The following ADGRG1 variants were observed in gnomAD, a reference collection of about 807,000 sequenced individuals.
ADGRG1 encodes adhesion G protein-coupled receptor G1, also known as 7-transmembrane protein with no EGF-like N-terminal domains-1.
In ADGRG1, 53 loss-of-function variants were observed where a neutral mutation model predicts 73.5. The observed-to-expected ratio is 0.72, with a 90% CI of 0.58 to 0.91. ADGRG1 has a LOEUF of 0.91. Among genes scored for constraint, ADGRG1 ranks in the 40% least tolerant of loss-of-function variants. The pLI is 0.00. For missense variants in ADGRG1, 795 were observed against 871.8 expected, an observed-to-expected ratio of 0.91 and a Z score of 1.11; for synonymous variants, 394 against 374.4, an observed-to-expected ratio of 1.05 and a Z score of -0.60.
chr16:57,635,655 C>T, intron 1 of ADGRG1: 1 of 984,630 alleles, frequency 1.0e-6, no homozygotes, highest in African/African-American at 1.7e-5. Context: ...GTTCCCTGGG[C>T]CGTGAGGCTT....
intron 13 of ADGRG1, 98 bp downstream of exon 13, chr16:57,662,063 C>A: frequency 1.0e-6 from 1 of 977,138 alleles, no homozygotes; most frequent in Non-Finnish European, 1.7e-6. Context: ...CTTCCCTTCT[C>A]TGGGCCTCAG....
chr16:57,646,291 C>A, intron 1 of ADGRG1: 1 of 766,774 alleles, frequency 1.3e-6, no homozygotes, highest in Non-Finnish European at 1.6e-6. Flanking sequence ...CCCCACTGCC[C>A]ACCGTGCAGA....
chr16:57,638,868 G>A (rs1233100776), intron 1 of ADGRG1, among the ~76,000 whole-genome samples: 2 of 152,166 alleles, frequency 1.3e-5, no homozygotes, highest in African/African-American at 4.8e-5. Flanking sequence ...TCAGGAGTTC[G>A]AGACCAGCCT....
chr16:57,659,135 G>A, intron 10 of ADGRG1: 3 of 985,340 alleles, frequency 3.0e-6, no homozygotes, highest in Non-Finnish European at 3.6e-6. Flanking sequence ...AGAGTATCTG[G>A]TTTATTACTG....
chr16:57,631,561 C>G (rs1399529667), intron 1 of ADGRG1: 27 of 985,466 alleles, frequency 2.7e-5, no homozygotes, highest in Non-Finnish European at 3.3e-5. Context: ...AGGGCTCAGC[C>G]CCCGTCCCCA....
intron 1 of ADGRG1, chr16:57,645,466 G>A (rs570598787): frequency 1.0e-4 from 36 of 360,472 alleles, no homozygotes; most frequent in African/African-American, 7.3e-4. Flanking sequence ...CCACAGAGGA[G>A]CCTGATGGGT....
At chr16:57,648,585 A>AC in intron 1 of ADGRG1, 1 of 984,646 alleles carries the variant, frequency 1.0e-6, no homozygotes, top group South Asian at 4.7e-5. Context: ...CCTGCCTGGG[A>AC]CACCCCTTCT....
intron 2 of ADGRG1, 46 bp from the exon 3 acceptor site, chr16:57,651,154 G>A (rs758524570): frequency 1.2e-6 from 2 of 1,611,830 alleles, no homozygotes; most frequent in Non-Finnish European, 1.7e-6. Context: ...CATGCCTCTG[G>A]TCAGCCCCTG....
intron 1 of ADGRG1, among the ~76,000 whole-genome samples, chr16:57,636,946 AG>A (rs1158105738): frequency 2.6e-5 from 4 of 152,210 alleles, no homozygotes; most frequent in African/African-American, 4.8e-5. Context: ...TGGTCATGGA[AG>A]GCTTCTCAGA....
chr16:57,627,782 G>A (rs955360052), upstream of ADGRG1: 2 of 985,234 alleles, frequency 2.0e-6, no homozygotes, highest in African/African-American at 3.5e-5. Context: ...GTTATCCAAA[G>A]CCTCCTGACT....
At chr16:57,620,947 C>G (rs1476970894) in exon 1 of ADGRG1, 3 of 152,174 alleles carry the variant, frequency 2.0e-5, no homozygotes, top group Admixed American at 6.5e-5. Flanking sequence ...CTGTCTGTTC[C>G]ATGAAGGAGA....
At chr16:57,653,002 C>A in intron 3 of ADGRG1, 1 of 1,440,442 alleles carries the variant, frequency 6.9e-7, no homozygotes, top group Non-Finnish European at 9.1e-7. Context: ...CTGGCGGGTT[C>A]TGTAAGACAC....
chr16:57,652,814 C>G, intron 3 of ADGRG1: 2 of 1,103,214 alleles, frequency 1.8e-6, no homozygotes, highest in Non-Finnish European at 2.2e-6. Context: ...CAGAGGGGCC[C>G]GAGCCTGGAG....
rs2036509270 is a variant in ADGRG1 at position 57,628,871 on chromosome 16, AGCGTGAGTGTGTGAGAGTGTGAGTGTGT to A, written c.-36+71_-36+98del. 8.2e-6 allele frequency: 8 copies of A among 973,506 alleles called. No individual in the cohort carries two copies. In the South Asian group the frequency reaches 3.9e-4, roughly 48 times the overall value. The allele number at this position is 973,506 out of a possible 1,614,324, so 60.3% of individuals were successfully genotyped here. A position where few individuals can be genotyped will look rare whatever the true frequency, so the allele number is the denominator to read the frequency against. The stretch of plus-strand genomic sequence containing the variant: ...GTGAGTGTGAGAGTGTGAGTGTGTG[AGCGTGAGTGTGTGAGAGTGTGAGTGTGT>A]GAGTGTGAGTGTGTGAGAGTGAGTG... On this transcript the variant is annotated intron_variant, in intron 1 of 13. Coordinates refer to ENST00000562631, the MANE Select transcript of ADGRG1 (RefSeq NM_201525.4).
At chr16:57,638,696 C>G (rs979553540) in intron 1 of ADGRG1, among the ~76,000 whole-genome samples, 14 of 152,232 alleles carry the variant, frequency 9.2e-5, no homozygotes, top group African/African-American at 3.4e-4. Flanking sequence ...GGCAGGGCCA[C>G]AGGCTGGCAG....
intron 1 of ADGRG1, 165 bp downstream of exon 1, chr16:57,628,967 T>A (rs2036788770): frequency 1.7e-6 from 1 of 583,014 alleles, no homozygotes. Context: ...TGTGTGAGTG[T>A]GAGTGTGTGA....
At chr16:57,628,871 A>T (rs2036504748) in intron 1 of ADGRG1, 69 bp downstream of exon 1, 14 of 973,588 alleles carry the variant, frequency 1.4e-5, no homozygotes, top group Non-Finnish European at 1.6e-5. Flanking sequence ...TGAGTGTGTG[A>T]GCGTGAGTGT....
Position 57,650,264 on chromosome 16 carries a change from C to T in ADGRG1, c.-24C>T, listed in dbSNP as rs1438045251. 3 of 1,610,754 alleles carry T rather than the reference C, an allele frequency of 1.9e-6. No individual in the cohort carries two copies. Among genetic ancestry groups the T allele is most frequent in the Non-Finnish European group, 2.5e-6 (3 of 1,177,074 alleles). ...CTGGTCTCTTCCAGGTGGTGACTTC[C>T]AAGAGTGACTCCGTCGGAGGAAAAT... On this transcript the variant is annotated 5_prime_UTR_variant, in exon 2 of 14. Transcript: ENST00000562631.
intron 1 of ADGRG1, among the ~76,000 whole-genome samples, chr16:57,644,451 T>G (rs1206372923): frequency 8.5e-6 from 1 of 117,226 alleles, no homozygotes; most frequent in Admixed American, 8.6e-5. Flanking sequence ...TTCATGCACA[T>G]GCACACACTC....
Sources: gnomAD v4.1 joint callset for allele counts (sites outside exome capture counted in the v4.1 genomes callset) on GRCh38, gnomAD v4.1.1 for gene constraint, MANE v1.5 for transcripts, NCBI Gene and HGNC (gene_info 2026-07-23, HGNC 2026-07-21) for gene names.